AR: variants seen among roughly 807,000 people sequenced by gnomAD.
AR encodes the protein androgen receptor, also known as dihydrotestosterone receptor.
AR carries 8 observed loss-of-function variants against 53.9 expected under a neutral mutation model. That is an observed-to-expected ratio of 0.15 (90% confidence interval 0.09 to 0.27). AR has a LOEUF of 0.27. Among genes scored for constraint, AR ranks in the 10% least tolerant of loss-of-function variants. The pLI, the probability that AR is intolerant of heterozygous loss-of-function variation, is 1.00. For synonymous variants in AR, 359 were observed against 316.4 expected, an observed-to-expected ratio of 1.13 and a Z score of -1.43; for missense variants, 639 against 742.5, an observed-to-expected ratio of 0.86 and a Z score of 1.62.
chrX:67,638,840 A>T (rs1925592127), intron 1 of AR, among the ~76,000 whole-genome samples: 1 of 111,999 alleles, frequency 8.9e-6, no homozygotes, highest in Non-Finnish European at 1.9e-5. Context: ...ATTAGATCAC[A>T]TTTGTCAATC....
At chrX:67,719,849 G>A (rs183357370) in intron 5 of AR, among the ~76,000 whole-genome samples, 1 of 111,730 alleles carries the variant, frequency 9.0e-6, no homozygotes, top group East Asian at 2.8e-4. Context: ...CTAATGGGGA[G>A]CCTCAGACCC....
intron 1 of AR, among the ~76,000 whole-genome samples, chrX:67,583,269 A>C (rs1922374724): frequency 8.9e-6 from 1 of 112,210 alleles, no homozygotes; most frequent in African/African-American, 3.2e-5. Context: ...GAAGCATTTC[A>C]ATAAAAGAAC....
chrX:67,620,230 C>T (rs1467274721), intron 1 of AR, among the ~76,000 whole-genome samples: 2 of 110,480 alleles, frequency 1.8e-5, no homozygotes, highest in African/African-American at 6.6e-5. Context: ...CTGCCACAGA[C>T]AAAGTCACAA....
At chrX:67,574,638 T>A (rs770613671) in intron 1 of AR, among the ~76,000 whole-genome samples, 3 of 111,678 alleles carry the variant, frequency 2.7e-5, no homozygotes, top group African/African-American at 6.5e-5. Context: ...AGTGTTGAGA[T>A]AAAGAAACGT....
rs1372521275 is a variant in AR, at chrX:67,546,336, G to A, written c.1190G>A (p.Ser397Asn). ...CTGGAGAACCCGCTGGACTACGGCA[G>A]CGCCTGGGCGGCTGCGGCGGCGCAG... ...IKLENPLDYG[S>N]AWAAAAAQCR... The change falls in exon 1 of 8, where the codon AGC becomes AAC. Residue 397 changes from serine to asparagine, a missense_variant. By Grantham distance (46) the Ser-to-Asn change is conservative. Transcript: ENST00000374690. The A allele has an allele frequency of 8.4e-7, 1 of 1,192,279 alleles. No homozygotes were observed. The highest frequency in any genetic ancestry group is 1.1e-6 in the Non-Finnish European group (1 of 886,383).
intron 2 of AR, among the ~76,000 whole-genome samples, chrX:67,684,264 C>T (rs2075953372): frequency 8.9e-6 from 1 of 111,851 alleles, no homozygotes; most frequent in Non-Finnish European, 1.9e-5. Context: ...CCTTTCTGTG[C>T]ACATATGGTA....
At chrX:67,696,484 T>A (rs2076021317) in intron 3 of AR, among the ~76,000 whole-genome samples, 1 of 111,892 alleles carries the variant, frequency 8.9e-6, no homozygotes, top group South Asian at 3.7e-4. Flanking sequence ...ATGTGCAGCA[T>A]TGCATATCAT....
At chrX:67,686,528 A>G (rs1003053677) in intron 3 of AR, among the ~76,000 whole-genome samples, 1 of 110,881 alleles carries the variant, frequency 9.0e-6, no homozygotes, top group Non-Finnish European at 1.9e-5. Flanking sequence ...GCATAGGCGC[A>G]GGATGACCCA....
In AR at chrX:67,545,313, TGCTGCAGCAGCAGCAGCA is replaced by T. The variant is rs1929650855; in HGVS notation, c.170_187del (p.Leu57_Gln62del). On this transcript the variant is annotated inframe_deletion, in exon 1 of 8. Transcript: ENST00000374690. ...GCACCTCCCGGCGCCAGTTTGCTGC[TGCTGCAGCAGCAGCAGCA>T]GCAGCAGCAGCAGCAGCAGCAGCAG... The T allele has an allele frequency of 4.5e-6, 5 of 1,099,107 alleles. No individual in the cohort carries two copies. The highest frequency in any genetic ancestry group is 3.6e-5 in the East Asian group (1 of 27,918). 90.6% of individuals were successfully genotyped at this position (1,099,107 alleles called of 1,213,427 possible).
At chrX:67,607,982 T>C (rs185853484) in intron 1 of AR, among the ~76,000 whole-genome samples, 56 of 111,801 alleles carry the variant, frequency 5.0e-4, no homozygotes, top group African/African-American at 1.7e-3. Context: ...GGCCCCCAGA[T>C]CTAACATGAA....
chrX:67,595,205 G>A (rs1019518796), intron 1 of AR, among the ~76,000 whole-genome samples: 1 of 110,938 alleles, frequency 9.0e-6, no homozygotes, highest in Non-Finnish European at 1.9e-5. Flanking sequence ...TTAAGAGAGT[G>A]CTATGGAGGG....
intron 2 of AR, chrX:67,680,680 G>C (rs1034806495): frequency 9.1e-6 from 3 of 328,707 alleles, no homozygotes; most frequent in Middle Eastern, 4.4e-4. Context: ...GCCACTAATA[G>C]TGGGTAACTT....
chrX:67,666,181 A>G (rs1049411213), intron 2 of AR, among the ~76,000 whole-genome samples: 1 of 110,875 alleles, frequency 9.0e-6, no homozygotes, highest in African/African-American at 3.3e-5. Context: ...ATACTTTTGT[A>G]CCCAGTAGCC....
At chrX:67,713,200 C>A (rs191991528) in intron 4 of AR, among the ~76,000 whole-genome samples, 1 of 110,601 alleles carries the variant, frequency 9.0e-6, no homozygotes, top group African/African-American at 3.3e-5. Flanking sequence ...TGTTGGCTGT[C>A]AAGTCTTAGA....
Position 67,700,437 on chromosome X carries a change from T to C in AR, c.1886-10965T>C, listed in dbSNP as rs140334153. ...ACTAGCAAGCCTCATTGTCCAGGAT[T>C]CCAAGTCGTCTAGCAACATCCTGGT... On this transcript the variant is annotated intron_variant, in intron 3 of 7. Coordinates refer to ENST00000374690, the MANE Select transcript of AR (RefSeq NM_000044.6). Among the ~76,000 whole-genome samples the C allele has an allele frequency of 8.3e-3, 929 of 111,486 alleles. 1 individual carries two copies. Among genetic ancestry groups the C allele is most frequent in the Non-Finnish European group, 0.012 (625 of 53,057 alleles).
At chrX:67,629,152 A>C (rs1373280141) in intron 1 of AR, among the ~76,000 whole-genome samples, 3 of 110,782 alleles carry the variant, frequency 2.7e-5, no homozygotes, top group Non-Finnish European at 5.7e-5. Flanking sequence ...CTGGCCTCAT[A>C]AAATGAGTTA....
chrX:67,645,400 G>A (rs1380955669), intron 2 of AR, among the ~76,000 whole-genome samples: 1 of 111,120 alleles, frequency 9.0e-6, no homozygotes, highest in Non-Finnish European at 1.9e-5. Context: ...CTGCCTGGGA[G>A]GAGCTCTGCA....
At chrX:67,585,768 G>A (rs1922513057) in intron 1 of AR, among the ~76,000 whole-genome samples, 1 of 112,083 alleles carries the variant, frequency 8.9e-6, no homozygotes, top group Non-Finnish European at 1.9e-5. Flanking sequence ...CATGGACAGT[G>A]ATTAGCCCAT....
intron 3 of AR, chrX:67,695,113 G>T: frequency 1.3e-6 from 1 of 768,419 alleles, no homozygotes; most frequent in Non-Finnish European, 1.5e-6. Context: ...TGCTTTTCGT[G>T]GTGTGCTGCC....
Sources: gnomAD v4.1 joint callset for allele counts (sites outside exome capture counted in the v4.1 genomes callset) on GRCh38, gnomAD v4.1.1 for gene constraint, MANE v1.5 for transcripts, NCBI Gene and HGNC (gene_info 2026-07-23, HGNC 2026-07-21) for gene names.